Variants in SOX5 observed in about 807,000 individuals in gnomAD.
SOX5 encodes SRY-box transcription factor 5.
SOX5 carries 9 observed loss-of-function variants against 92.0 expected under a neutral mutation model. That is an observed-to-expected ratio of 0.10 (90% CI 0.06 to 0.17). The LOEUF (loss-of-function observed/expected upper bound fraction) is 0.17. Ranked by LOEUF, SOX5 falls within the 10% of genes least tolerant of loss-of-function variation. The pLI is 1.00. For missense variants in SOX5, 642 were observed against 944.5 expected (o/e 0.68, Z 4.20); for synonymous variants, 344 against 336.3 (o/e 1.02, Z -0.25).
intron 6 of SOX5, among the ~76,000 whole-genome samples, chr12:23,729,773 T>C (rs35573118): frequency 0.029 from 4,367 of 152,308 alleles, 226 homozygotes; most frequent in African/African-American, 0.099. Flanking sequence ...ACAGTATCTT[T>C]AAACTTGCAA....
chr12:23,540,798 C>G (rs1211423241), intron 13 of SOX5, among the ~76,000 whole-genome samples: 1 of 152,136 alleles, frequency 6.6e-6, no homozygotes, highest in Non-Finnish European at 1.5e-5. Flanking sequence ...CCAGAGACTA[C>G]GTAAAATGTC....
chr12:24,345,272 T>G (rs898449670), intron 2 of SOX5, among the ~76,000 whole-genome samples: 3 of 152,220 alleles, frequency 2.0e-5, no homozygotes, highest in African/African-American at 7.2e-5. Context: ...ACAGGTATTT[T>G]AACATAAATA....
At chr12:24,517,228 T>C (rs190329955) in intron 1 of SOX5, among the ~76,000 whole-genome samples, 32 of 152,318 alleles carry the variant, frequency 2.1e-4, no homozygotes, top group Non-Finnish European at 4.1e-4. Context: ...AGAGGAAACA[T>C]TGTGAATAGT....
At chr12:23,914,319 C>A (rs892648687) in intron 1 of SOX5, among the ~76,000 whole-genome samples, 2 of 152,002 alleles carry the variant, frequency 1.3e-5, no homozygotes, top group Non-Finnish European at 2.9e-5. Context: ...AATTAATATA[C>A]CATGATATAT....
chr12:23,844,421 A>C (rs1303320796), intron 3 of SOX5, among the ~76,000 whole-genome samples: 1 of 152,200 alleles, frequency 6.6e-6, no homozygotes, highest in Non-Finnish European at 1.5e-5. Context: ...ACACTAAAAA[A>C]CACATCCTAA....
rs150115538 is a variant in SOX5 at position 24,464,223 on chromosome 12, C to A, written c.-250-95584G>T. 2.7e-3 allele frequency among the ~76,000 whole-genome samples: 415 copies of A among 152,238 alleles called. 2 individuals are homozygous for A. Among genetic ancestry groups the A allele is most frequent in the African/African-American group, 9.4e-3 (390 of 41,528 alleles). ...ATGTGTGCATGTAAGTATGTGTACA[C>A]TCACCTACACACACACAAACACTGA... is the stretch of plus-strand genomic sequence containing the variant. On this transcript the variant is annotated intron_variant, in intron 1 of 4. Transcript: ENST00000446891.
intron 13 of SOX5, among the ~76,000 whole-genome samples, chr12:23,538,418 C>T (rs551321285): frequency 6.6e-6 from 1 of 152,072 alleles, no homozygotes; most frequent in Admixed American, 6.5e-5. Context: ...TTTTCTATTC[C>T]TTTCGTAAAC....
At chr12:23,659,691 G>A (rs1432187783) in intron 7 of SOX5, among the ~76,000 whole-genome samples, 2 of 152,244 alleles carry the variant, frequency 1.3e-5, no homozygotes, top group African/African-American at 4.8e-5. Context: ...GTTTAAAACT[G>A]GCCAGGCACG....
intron 2 of SOX5, among the ~76,000 whole-genome samples, chr12:24,320,591 C>T (rs117765826): frequency 0.065 from 9,912 of 152,090 alleles, 626 homozygotes; most frequent in East Asian, 0.28. Flanking sequence ...TGCGTCTGGG[C>T]GCGGTGGCTC....
At chr12:24,150,230 C>T (rs998328063) in intron 4 of SOX5, among the ~76,000 whole-genome samples, 4 of 152,034 alleles carry the variant, frequency 2.6e-5, no homozygotes, top group African/African-American at 9.7e-5. Context: ...TCCTTGCAAC[C>T]TGGATTTTCT....
At chr12:24,010,588 C>T (rs1952799871) in intron 4 of SOX5, among the ~76,000 whole-genome samples, 1 of 152,114 alleles carries the variant, frequency 6.6e-6, no homozygotes, top group South Asian at 2.1e-4. Context: ...TAAAAAATTG[C>T]CATTGCTACC....
chr12:24,016,202 G>A (rs1953577509), intron 4 of SOX5, among the ~76,000 whole-genome samples: 1 of 152,206 alleles, frequency 6.6e-6, no homozygotes, highest in Non-Finnish European at 1.5e-5. Flanking sequence ...TGCCTTGTCT[G>A]AATCAAGATT....
At chr12:23,608,571 C>T (rs2075563834) in intron 8 of SOX5, among the ~76,000 whole-genome samples, 1 of 152,150 alleles carries the variant, frequency 6.6e-6, no homozygotes, top group Admixed American at 6.6e-5. Context: ...AAAGATCATG[C>T]TTTCTACTTC....
At chr12:24,003,996 A>C (rs570239963) in intron 4 of SOX5, among the ~76,000 whole-genome samples, 1 of 152,188 alleles carries the variant, frequency 6.6e-6, no homozygotes, top group Non-Finnish European at 1.5e-5. Flanking sequence ...CAACCCTTAC[A>C]TTTACAGTCA....
Position 23,896,010 on chromosome 12 carries a change from C to T in SOX5, c.53G>A (p.Arg18Gln), listed in dbSNP as rs1473456893. ...PQEFERMSSK[R>Q]PASPYGEADG... ...TGCTTCCCCATACGGAGAGGCTGGT[C>T]GCTTGGAAGACATCCTGGAAGGAAC... The change falls in exon 2 of 15, where the codon CGA becomes CAA. Residue 18 changes from arginine (R) to glutamine (Q), a missense_variant. Transcript: ENST00000451604. 8 of 1,612,748 alleles carry T rather than the reference C, an allele frequency of 5.0e-6. No homozygotes were observed. Among genetic ancestry groups the T allele is most frequent in the African/African-American group, 1.3e-5 (1 of 74,986 alleles).
intron 1 of SOX5, among the ~76,000 whole-genome samples, chr12:23,904,305 C>G (rs112911230): frequency 3.3e-5 from 5 of 152,200 alleles, no homozygotes; most frequent in African/African-American, 9.6e-5. Context: ...AATCTCCATA[C>G]TTCTCTACCC....
Position 23,720,354 on chromosome 12 carries a change from T to A in SOX5, c.810+14330A>T, listed in dbSNP as rs116026978. ...ATATTTTTCTTAGCCAGAATATTAA[T>A]TTCCTCATTTAGGTTTTTAAAACAT... On this transcript the variant is annotated intron_variant, in intron 6 of 14. Transcript: ENST00000451604. 7.0e-3 allele frequency among the ~76,000 whole-genome samples: 1,059 copies of A among 152,294 alleles called. 10 individuals are homozygous for A. The highest frequency in any genetic ancestry group is 0.024 in the African/African-American group (1,010 of 41,580).
intron 2 of SOX5, among the ~76,000 whole-genome samples, chr12:24,300,519 G>A (rs565934): frequency 0.14 from 21,023 of 152,088 alleles, 1,565 homozygotes; most frequent in South Asian, 0.18. Flanking sequence ...TCCACTGAGC[G>A]GTATAACAGA....
intron 4 of SOX5, among the ~76,000 whole-genome samples, chr12:24,106,801 A>AATAATAATAATT (rs2138067862): frequency 2.0e-5 from 1 of 49,134 alleles, no homozygotes; most frequent in South Asian, 1.1e-3. Context: ...AAATAATAAT[A>AATAATAATAATT]ATAATAATAA....
Sources: allele counts gnomAD v4.1 joint callset (sites outside exome capture counted in the v4.1 genomes callset), GRCh38; gene constraint gnomAD v4.1.1; transcripts MANE v1.5; gene names NCBI Gene and HGNC (gene_info 2026-07-23, HGNC 2026-07-21).